Variants in EIF1 observed in about 807,000 individuals in gnomAD.
EIF1 encodes the protein eukaryotic translation initiation factor 1, also known as protein translation factor SUI1 homolog.
Under a neutral mutation model 13.7 loss-of-function variants are expected in EIF1, and 4 were observed. The ratio of observed to expected loss-of-function variants is 0.29; its 90% CI spans 0.14 to 0.67. The LOEUF is 0.67. EIF1 is among the 30% of genes least tolerant of loss of function. The pLI, the probability that EIF1 is intolerant of heterozygous loss-of-function variation, is 0.77. For synonymous variants in EIF1, 67 were observed against 50.7 expected (o/e 1.32, Z -1.37); for missense variants, 64 against 138.0 (o/e 0.46, Z 2.69).
At chr17:41,689,166 G>C (rs922468122) in intron 1 of EIF1, 97 bp downstream of exon 1, 124 of 1,390,486 alleles carry the variant, frequency 8.9e-5, no homozygotes, top group Non-Finnish European at 1.2e-4. Context: ...CCGGGCCTTC[G>C]TAAGCTCGGG....
intron 2 of EIF1, 37 bp from the exon 3 acceptor site, chr17:41,690,051 C>A: frequency 1.2e-6 from 2 of 1,611,302 alleles, no homozygotes; most frequent in South Asian, 2.2e-5. Flanking sequence ...CGTTCATGCT[C>A]TTGCTAGGCC....
In EIF1 at chr17:41,688,944, T is replaced by G. The variant is rs1343297286; in HGVS notation, c.-95T>G. ...AGCCTCCCCCTTGAGCCCCCTCGCT[T>G]CCCGACGTTCCGTTCCCCCCTGCCC... On this transcript the variant is annotated 5_prime_UTR_variant, in exon 1 of 4. Coordinates refer to ENST00000469257, the MANE Select transcript of EIF1 (RefSeq NM_005801.4). 7.4e-7 allele frequency: 1 copy of G among 1,349,162 alleles called. No homozygotes were observed. The highest frequency in any genetic ancestry group is 2.3e-5 in the East Asian group (1 of 42,842). 83.6% of individuals were successfully genotyped at this position (1,349,162 alleles called of 1,614,324 possible). A position where few individuals can be genotyped will look rare whatever the true frequency, so the allele number is the denominator to read the frequency against.
At chr17:41,689,557 C>G in intron 1 of EIF1, 1 of 508,184 alleles carries the variant, frequency 2.0e-6, no homozygotes, top group Middle Eastern at 5.3e-4. Flanking sequence ...TGATCGGCTT[C>G]CCAGGGAGGG....
rs1293910630 is a variant in EIF1, at chr17:41,690,004, G to A, written c.195+63G>A. 17 of 1,611,974 alleles carry A rather than the reference G, an allele frequency of 1.1e-5. No homozygotes were observed. The South Asian group carries it at 1.9e-4, about 18-fold the overall frequency. On this transcript the variant is annotated intron_variant, in intron 2 of 3. Coordinates refer to ENST00000469257, the MANE Select transcript of EIF1 (RefSeq NM_005801.4). The stretch of plus-strand genomic sequence containing the variant: ...ATTTGTCCACAAGGGGGTGCCAGCT[G>A]TGTTGTATGTATTGTTAGCGGAAGG...
rs879522342 is a variant in EIF1, at chr17:41,688,938, C to G, written c.-101C>G. 14 of 1,285,644 alleles carry G rather than the reference C, an allele frequency of 1.1e-5. No homozygotes were observed. The East Asian group carries it at 2.6e-4, about 24-fold the overall frequency. The allele number at this position is 1,285,644 out of a possible 1,614,324, so 79.6% of individuals were successfully genotyped here. On this transcript the variant is annotated 5_prime_UTR_variant, in exon 1 of 4. Coordinates refer to ENST00000469257, the MANE Select transcript of EIF1 (RefSeq NM_005801.4). ...TTCAGCAGCCTCCCCCTTGAGCCCC[C>G]TCGCTTCCCGACGTTCCGTTCCCCC...
At chr17:41,689,983 GT>G in intron 2 of EIF1, 42 bp downstream of exon 2, 1 of 1,611,974 alleles carries the variant, frequency 6.2e-7, no homozygotes, top group South Asian at 1.1e-5. Flanking sequence ...TAATGGATTT[GT>G]CCACAAGGGG....
rs1400054386 is a variant in EIF1, at chr17:41,691,298, C to G, written c.*472C>G. 4.1e-6 allele frequency: 1 copy of G among 242,150 alleles called. No homozygotes were observed. Among genetic ancestry groups the G allele is most frequent in the Non-Finnish European group, 7.9e-6 (1 of 126,892 alleles). The allele number at this position is 242,150 out of a possible 1,614,324, so 15.0% of individuals were successfully genotyped here. A position where few individuals can be genotyped will look rare whatever the true frequency, so the allele number is the denominator to read the frequency against. ...TGGTAGATCCCCTGGTGTCTCCAAC[C>G]TGACTAGGTGGACAGAGCTCAAAGA... On this transcript the variant is annotated 3_prime_UTR_variant, in exon 4 of 4. Transcript: ENST00000469257.
At chr17:41,689,332 C>T (rs1910295129) in intron 1 of EIF1, 2 of 575,314 alleles carry the variant, frequency 3.5e-6, no homozygotes, top group Non-Finnish European at 6.2e-6. Context: ...TGGGCCTCCT[C>T]GGGCCACACC....
intron 3 of EIF1, 57 bp downstream of exon 3, chr17:41,690,246 C>T (rs774904283): frequency 5.5e-6 from 8 of 1,444,988 alleles, no homozygotes; most frequent in Non-Finnish European, 7.8e-6. Flanking sequence ...CAGATCCTGT[C>T]TGTTAGCTTC....
At chr17:41,689,757 G>C (rs576108535) in intron 1 of EIF1, 21 bp from the exon 2 acceptor site, 1 of 1,572,434 alleles carries the variant, frequency 6.4e-7, no homozygotes, top group Non-Finnish European at 8.6e-7. Flanking sequence ...AGCTCTGAAC[G>C]AGCTTAACCT....
Position 41,689,930 on chromosome 17 carries a change from G to T in EIF1, c.184G>T (p.Ala62Ser). 6.2e-7 allele frequency: 1 copy of T among 1,610,248 alleles called. No individual in the cohort carries two copies. Among genetic ancestry groups the T allele is most frequent in the Non-Finnish European group, 8.5e-7 (1 of 1,178,186 alleles). The stretch of plus-strand genomic sequence containing the variant: ...TTACGATAAAAAGAAACTAGTGAAG[G>T]CGTTTAAGAAAGTAGGTCTTCAGTG... Reference protein sequence around the residue: ...DDYDKKKLVKAFKKKFACNGT... With the variant: ...DDYDKKKLVKSFKKKFACNGT... Residue 62 changes from alanine (A) to serine (S), a missense_variant, in exon 2 of 4, where the codon GCG becomes TCG. Transcript: ENST00000469257.
rs1910279089 is a variant in EIF1, at chr17:41,688,953, T to G, written c.-86T>G. On this transcript the variant is annotated 5_prime_UTR_variant, in exon 1 of 4. Transcript: ENST00000469257. ...CTTGAGCCCCCTCGCTTCCCGACGTTCCGTTCCCCCCTGCCCGCCTTCTCC... is the reference window on the plus strand; with the variant it reads ...CTTGAGCCCCCTCGCTTCCCGACGTGCCGTTCCCCCCTGCCCGCCTTCTCC... 2 of 1,445,202 alleles carry G rather than the reference T, an allele frequency of 1.4e-6. No homozygotes were observed. The highest frequency in any genetic ancestry group is 1.7e-4 in the Middle Eastern group (1 of 5,762). The allele number at this position is 1,445,202 out of a possible 1,614,324, so 89.5% of individuals were successfully genotyped here.
chr17:41,689,349 T>C, intron 1 of EIF1: 1 of 563,204 alleles, frequency 1.8e-6, no homozygotes. Flanking sequence ...CACCCGCCCC[T>C]CCCGTCACCA....
At position 41,688,935 on chromosome 17, in the gene EIF1, C is replaced by G; in HGVS notation, c.-104C>G. 13 of 1,202,158 alleles carry G rather than the reference C, an allele frequency of 1.1e-5. No individual in the cohort carries two copies. Among genetic ancestry groups the G allele is most frequent in the Non-Finnish European group, 1.6e-5 (13 of 830,228 alleles). 74.5% of individuals were successfully genotyped at this position (1,202,158 alleles called of 1,614,324 possible). A position where few individuals can be genotyped will look rare whatever the true frequency, so the allele number is the denominator to read the frequency against. On this transcript the variant is annotated 5_prime_UTR_variant, in exon 1 of 4. Coordinates refer to ENST00000469257, the MANE Select transcript of EIF1 (RefSeq NM_005801.4). Reference sequence around the variant, plus strand: ...GGATTCAGCAGCCTCCCCCTTGAGCCCCCTCGCTTCCCGACGTTCCGTTCC... The same window carrying G: ...GGATTCAGCAGCCTCCCCCTTGAGCGCCCTCGCTTCCCGACGTTCCGTTCC...
rs1425847731 is a variant in EIF1, at chr17:41,688,956, G to A, written c.-83G>A. The A allele has an allele frequency of 2.7e-6, 4 of 1,467,790 alleles. No individual in the cohort carries two copies. The highest frequency in any genetic ancestry group is 1.7e-5 in the Admixed American group (1 of 57,700). 90.9% of individuals were successfully genotyped at this position (1,467,790 alleles called of 1,614,324 possible). A position where few individuals can be genotyped will look rare whatever the true frequency, so the allele number is the denominator to read the frequency against. The stretch of plus-strand genomic sequence containing the variant: ...GAGCCCCCTCGCTTCCCGACGTTCC[G>A]TTCCCCCCTGCCCGCCTTCTCCCGC... On this transcript the variant is annotated 5_prime_UTR_variant, in exon 1 of 4. Transcript: ENST00000469257.
Position 41,688,964 on chromosome 17 carries a change from C to T in EIF1, c.-75C>T, listed in dbSNP as rs1227465441. ...TCGCTTCCCGACGTTCCGTTCCCCC[C>T]TGCCCGCCTTCTCCCGCCACCGCCG... On this transcript the variant is annotated 5_prime_UTR_variant, in exon 1 of 4. Transcript: ENST00000469257. 4 of 1,523,984 alleles carry T rather than the reference C, an allele frequency of 2.6e-6. No individual in the cohort carries two copies. The highest frequency in any genetic ancestry group is 1.7e-4 in the Middle Eastern group (1 of 5,936). The allele number at this position is 1,523,984 out of a possible 1,614,324, so 94.4% of individuals were successfully genotyped here.
In EIF1 at chr17:41,691,359, G is replaced by C. The variant is rs1336063073; in HGVS notation, c.*533G>C. On this transcript the variant is annotated 3_prime_UTR_variant, in exon 4 of 4. Coordinates refer to ENST00000469257, the MANE Select transcript of EIF1 (RefSeq NM_005801.4). ...CCGCTAGCGAGGTGATAGGACATCT[G>C]GCTTGCCACAAAGGTCTGTTCGACC... The C allele has an allele frequency of 5.7e-6, 1 of 176,328 alleles. No individual in the cohort carries two copies. The highest frequency in any genetic ancestry group is 2.4e-5 in the African/African-American group (1 of 42,478). 10.9% of individuals were successfully genotyped at this position (176,328 alleles called of 1,614,324 possible).
In EIF1 at chr17:41,690,209, G is replaced by C. The variant is rs1432129721; in HGVS notation, c.297+20G>C. The C allele has an allele frequency of 2.5e-6, 4 of 1,583,988 alleles. No homozygotes were observed. Among genetic ancestry groups the C allele is most frequent in the Non-Finnish European group, 3.5e-6 (4 of 1,153,198 alleles). On this transcript the variant is annotated intron_variant, in intron 3 of 3. Coordinates refer to ENST00000469257, the MANE Select transcript of EIF1 (RefSeq NM_005801.4). ...GTAGAGGTGAGTTCAGTCACTACTT[G>C]ATTTGTGCCTCTCTGCTGGCAAATC... is the stretch of plus-strand genomic sequence containing the variant.
At position 41,691,140 on chromosome 17, in the gene EIF1, C is replaced by T. The variant is rs572379207; in HGVS notation, c.*314C>T. 3.8e-6 allele frequency: 2 copies of T among 520,156 alleles called. No individual in the cohort carries two copies. Among genetic ancestry groups the T allele is most frequent in the Non-Finnish European group, 6.9e-6 (2 of 291,440 alleles). The allele number at this position is 520,156 out of a possible 1,614,324, so 32.2% of individuals were successfully genotyped here. ...GATTACAAACAACTATGGCCGGAAC[C>T]TCCTCAGCTCTCCCTCTGCAGAGTT... On this transcript the variant is annotated 3_prime_UTR_variant, in exon 4 of 4. Coordinates refer to ENST00000469257, the MANE Select transcript of EIF1 (RefSeq NM_005801.4).
Sources: allele counts gnomAD v4.1 joint callset, GRCh38; gene constraint gnomAD v4.1.1; transcripts MANE v1.5; gene names NCBI Gene and HGNC (gene_info 2026-07-23, HGNC 2026-07-21).